The following TMEM255B variants were observed in gnomAD, a reference collection of about 807,000 sequenced individuals.
TMEM255B encodes family with sequence similarity 70, member B.
TMEM255B carries 35 observed loss-of-function variants against 34.5 expected under a neutral mutation model. That is an observed-to-expected ratio of 1.01 (90% confidence interval 0.77 to 1.34). The LOEUF (loss-of-function observed/expected upper bound fraction) is 1.34, where lower values mean the gene tolerates loss of function less well. Ranked by LOEUF, TMEM255B falls within the 40% of genes most tolerant of loss-of-function variation. The pLI is 0.00. For missense variants in TMEM255B, 432 were observed against 433.2 expected (o/e 1.00, Z 0.02); for synonymous variants, 206 against 201.2 (o/e 1.02, Z -0.20).
At chr13:113,808,505 C>T (rs183096199) in intron 8 of TMEM255B, among the ~76,000 whole-genome samples, 7 of 146,882 alleles carry the variant, frequency 4.8e-5, no homozygotes, top group East Asian at 2.1e-4. Flanking sequence ...TGGTTCCTGG[C>T]GGTTTACTCC....
chr13:113,807,383 G>GGCGCAGGGGCAGATCCACT (rs2051195934), intron 8 of TMEM255B, among the ~76,000 whole-genome samples: 1 of 146,430 alleles, frequency 6.8e-6, no homozygotes, highest in African/African-American at 2.6e-5. Flanking sequence ...GGATGTGGGG[G>GGCGCAGGGGCAGATCCACT]TGGTCCTCCC....
intron 8 of TMEM255B, among the ~76,000 whole-genome samples, chr13:113,811,453 TGTGGGA>T (rs2051304112): frequency 1.1e-5 from 1 of 94,436 alleles, no homozygotes; most frequent in South Asian, 4.2e-4. Context: ...GCCCTGGGTC[TGTGGGA>T]GCCCGTGTGA....
At chr13:113,768,766 G>A in intron 2 of TMEM255B, 1 of 457,582 alleles carries the variant, frequency 2.2e-6, no homozygotes, top group Non-Finnish European at 4.4e-6. Flanking sequence ...AGACGGGACA[G>A]ATGGTGGTGC....
In TMEM255B at chr13:113,814,681, C is replaced by G. The variant is rs1447733419; in HGVS notation, c.*2778C>G. The G allele has an allele frequency of 6.6e-6, 1 of 152,276 alleles. No homozygotes were observed. Among genetic ancestry groups the G allele is most frequent in the Non-Finnish European group, 1.5e-5 (1 of 68,126 alleles). 9.4% of individuals were successfully genotyped at this position (152,276 alleles called of 1,614,324 possible). ...GGATCCTGTCTGGGGCCACCAAGCT[C>G]TGCCAGCCTGAGTCACGGTCTGATG... On this transcript the variant is annotated 3_prime_UTR_variant, in exon 9 of 9. Coordinates refer to ENST00000375353, the MANE Select transcript of TMEM255B (RefSeq NM_182614.4).
intron 1 of TMEM255B, among the ~76,000 whole-genome samples, chr13:113,765,605 A>G (rs1334002942): frequency 6.6e-6 from 1 of 152,190 alleles, no homozygotes; most frequent in Non-Finnish European, 1.5e-5. Context: ...TTCAGTTTTC[A>G]AAAAATAAAG....
intron 4 of TMEM255B, among the ~76,000 whole-genome samples, chr13:113,796,403 TCACACACCACACAGAG>T (rs200854685): frequency 0.5 from 43,384 of 86,470 alleles, 8,850 homozygotes; most frequent in East Asian, 0.74. Context: ...AGCACACACC[TCACACACCACACAGAG>T]CACACACCAC....
chr13:113,768,217 G>A (rs757998429), intron 2 of TMEM255B: 2 of 470,716 alleles, frequency 4.2e-6, no homozygotes, highest in Non-Finnish European at 8.8e-6. Flanking sequence ...CTTAGGCCTC[G>A]GCACGGTCGT....
chr13:113,763,445 C>G (rs772974851), intron 1 of TMEM255B, among the ~76,000 whole-genome samples: 1 of 152,146 alleles, frequency 6.6e-6, no homozygotes, highest in Admixed American at 6.5e-5. Context: ...CTCGACTTCC[C>G]GACAGAGACC....
At chr13:113,759,364 G>A (rs2050254158) in intron 1 of TMEM255B, 49 bp downstream of exon 1, 2 of 1,227,266 alleles carry the variant, frequency 1.6e-6, no homozygotes, top group Non-Finnish European at 2.0e-6. Flanking sequence ...GGGAGCGTGG[G>A]GACCCCGGGG....
chr13:113,799,083 T>G (rs989817441), intron 4 of TMEM255B, among the ~76,000 whole-genome samples: 1 of 152,246 alleles, frequency 6.6e-6, no homozygotes, highest in Non-Finnish European at 1.5e-5. Context: ...CCTTGTTGAC[T>G]GATGGAGAAT....
At chr13:113,775,316 C>T (rs967880090) in intron 3 of TMEM255B, among the ~76,000 whole-genome samples, 3 of 152,210 alleles carry the variant, frequency 2.0e-5, no homozygotes, top group South Asian at 2.1e-4. Context: ...AGGTCTCGGC[C>T]GCCTTCCTTG....
At position 113,797,891 on chromosome 13, in the gene TMEM255B, T is replaced by C. The variant is rs371725136; in HGVS notation, c.343-1448T>C. Among the ~76,000 whole-genome samples the C allele has an allele frequency of 3.0e-4, 45 of 152,368 alleles. No homozygotes were observed. The South Asian group carries it at 8.9e-3, about 30-fold the overall frequency. On this transcript the variant is annotated intron_variant, in intron 4 of 8. Coordinates refer to ENST00000375353, the MANE Select transcript of TMEM255B (RefSeq NM_182614.4). ...CTGCTGTCCTCTACCATAGCAATTA[T>C]AAGCACTTTGCAATGGTCAGTTTAT...
intron 8 of TMEM255B, 63 bp downstream of exon 8, chr13:113,805,091 T>C (rs57377836): frequency 0.067 from 99,110 of 1,472,194 alleles, 3,976 homozygotes; most frequent in Admixed American, 0.17. Flanking sequence ...ATGGACAGGA[T>C]GGGGCTGGGG....
intron 2 of TMEM255B, among the ~76,000 whole-genome samples, chr13:113,767,779 C>T (rs1345465025): frequency 6.6e-6 from 1 of 152,140 alleles, no homozygotes; most frequent in Non-Finnish European, 1.5e-5. Context: ...AAGAAGCGGC[C>T]AGAACGTGAA....
At chr13:113,761,707 C>A (rs2050311401) in intron 1 of TMEM255B, among the ~76,000 whole-genome samples, 1 of 152,142 alleles carries the variant, frequency 6.6e-6, no homozygotes, top group South Asian at 2.1e-4. Context: ...TATGAGAGCC[C>A]ACGTATCGTG....
At chr13:113,766,339 A>C (rs1451634159) in intron 2 of TMEM255B, 82 bp downstream of exon 2, 1 of 1,583,662 alleles carries the variant, frequency 6.3e-7, no homozygotes, top group South Asian at 1.1e-5. Flanking sequence ...ACGCCAGCTC[A>C]CAGGGCTGGG....
chr13:113,766,282 G>A, intron 2 of TMEM255B, 25 bp downstream of exon 2: 1 of 1,613,010 alleles, frequency 6.2e-7, no homozygotes, highest in Non-Finnish European at 8.5e-7. Flanking sequence ...CGGGCGGCCT[G>A]GGCCGGGGAG....
rs551099037 is a variant in TMEM255B at position 113,801,724 on chromosome 13, G to A, written c.581G>A (p.Arg194His). ...TGCCAGGACGTGCTGCACCTGTACC[G>A]CCTGCTCTGGGCCTCTGCAGTTCTG... ...SGCQDVLHLY[R>H]LLWASAVLNV... is the part of the protein sequence containing the mutation. Residue 194 changes from arginine to histidine, a missense_variant, in exon 7 of 9, where the codon CGC becomes CAC. Physicochemically the swap from Arg to His is conservative, Grantham distance 29 (BLOSUM62 0). Transcript: ENST00000375353. 1.3e-5 allele frequency: 21 copies of A among 1,612,830 alleles called. No individual in the cohort carries two copies. The highest frequency in any genetic ancestry group is 1.6e-4 in the Middle Eastern group (1 of 6,082).
rs372253904 is a variant in TMEM255B, at chr13:113,799,883, C to T, written c.423+464C>T. ...CGCCTTCGCCAGGACCGTCGGAGGGCACAGCTCTGTGACGGCGCTCTCTGT... is the reference window on the plus strand; with the variant it reads ...CGCCTTCGCCAGGACCGTCGGAGGGTACAGCTCTGTGACGGCGCTCTCTGT... On this transcript the variant is annotated intron_variant, in intron 5 of 8. Transcript: ENST00000375353. The T allele has an allele frequency of 1.6e-5, 17 of 1,095,370 alleles. No homozygotes were observed. The African/African-American group carries it at 2.2e-4, about 14-fold the overall frequency. The allele number at this position is 1,095,370 out of a possible 1,614,324, so 67.9% of individuals were successfully genotyped here.
Sources: gnomAD v4.1 joint callset for allele counts (sites outside exome capture counted in the v4.1 genomes callset) on GRCh38, gnomAD v4.1.1 for gene constraint, MANE v1.5 for transcripts, NCBI Gene and HGNC (gene_info 2026-07-23, HGNC 2026-07-21) for gene names.